Variants in ABR observed in about 807,000 individuals in gnomAD.
The protein encoded by ABR is ABR activator of RhoGEF and GTPase.
Under a neutral mutation model 107.2 loss-of-function variants are expected in ABR, and 35 were observed. That is an observed-to-expected ratio of 0.33 (90% CI 0.25 to 0.43). ABR has a LOEUF of 0.43. Among genes scored for constraint, ABR ranks in the 20% least tolerant of loss-of-function variants. The pLI is 1.00. For missense variants in ABR, 815 were observed against 1,115.2 expected, an observed-to-expected ratio of 0.73 and a Z score of 3.83; for synonymous variants, 498 against 462.0, an observed-to-expected ratio of 1.08 and a Z score of -1.00.
At chr17:1,100,411 G>A (rs1488210459) in intron 3 of ABR, among the ~76,000 whole-genome samples, 2 of 152,236 alleles carry the variant, frequency 1.3e-5, no homozygotes, top group East Asian at 1.9e-4. Flanking sequence ...AGCCGGGTGT[G>A]CTTCTCCTGC....
chr17:1,127,266 C>A (rs1425498443), intron 1 of ABR, among the ~76,000 whole-genome samples: 2 of 151,204 alleles, frequency 1.3e-5, no homozygotes, highest in African/African-American at 4.9e-5. Flanking sequence ...ACACCACACA[C>A]CCGGGCAGGA....
At chr17:1,169,698 G>A (rs750934069) in intron 1 of ABR, among the ~76,000 whole-genome samples, 5 of 152,182 alleles carry the variant, frequency 3.3e-5, no homozygotes, top group Admixed American at 6.5e-5. Context: ...AAACACAGCA[G>A]CTGGCTCTGC....
chr17:1,093,081 A>G (rs963489759), intron 3 of ABR, among the ~76,000 whole-genome samples: 1 of 148,830 alleles, frequency 6.7e-6, no homozygotes, highest in African/African-American at 2.5e-5. Context: ...TCGGCCTCCC[A>G]AAGTGCTGGG....
At chr17:1,188,545 G>A (rs561462563), upstream of ABR, among the ~76,000 whole-genome samples, 1,117 of 73,876 alleles carry the variant, frequency 0.015, 8 homozygotes, top group Middle Eastern at 0.055. Context: ...GGGAGACTCC[G>A]TCTCAAAAAA....
intron 16 of ABR, among the ~76,000 whole-genome samples, chr17:1,017,327 G>A (rs79135487): frequency 0.017 from 2,610 of 152,016 alleles, 89 homozygotes; most frequent in African/African-American, 0.046. Context: ...CCTTCATCTC[G>A]TCTGGACACG....
intron 1 of ABR, among the ~76,000 whole-genome samples, chr17:1,132,215 A>AC (rs2039874884): frequency 6.6e-6 from 1 of 151,018 alleles, no homozygotes; most frequent in African/African-American, 2.4e-5. Context: ...ACACACACAC[A>AC]AAGACACGCA....
At chr17:1,173,624 A>T (rs986102756) in intron 1 of ABR, among the ~76,000 whole-genome samples, 5 of 152,220 alleles carry the variant, frequency 3.3e-5, no homozygotes, top group Middle Eastern at 3.4e-3. Flanking sequence ...AAACGCATGG[A>T]CGGGCCAGCT....
intron 3 of ABR, among the ~76,000 whole-genome samples, chr17:1,099,748 C>T (rs763005898): frequency 4.6e-5 from 7 of 152,218 alleles, no homozygotes; most frequent in African/African-American, 1.2e-4. Flanking sequence ...ACTCTCACAA[C>T]GATGCCTCCA....
intron 16 of ABR, among the ~76,000 whole-genome samples, chr17:1,014,303 T>C (rs1278354743): frequency 2.4e-5 from 3 of 127,246 alleles, no homozygotes; most frequent in African/African-American, 6.0e-5. Flanking sequence ...TAGCCGGGCG[T>C]GGTGGCGGGC....
Position 1,058,847 on chromosome 17 carries a change from G to T in ABR, c.1203C>A (p.Ser401Arg). ...TCTTCTTCAGGCGCTCGATGGCCCG[G>T]CTCTGGCCTTTGTTGGCTTTCTGCA... ...IQKEKANKGQ[S>R]RAIERLKKKM... Residue 401 changes from serine (S) to arginine (R), a missense_variant, in exon 11 of 23, where the codon AGC becomes AGA. Physicochemically the swap from Ser to Arg is moderately radical, Grantham distance 110 (BLOSUM62 -1). Around this residue, in one of 5 missense-constraint regions of ABR, gnomAD observed 385 missense variants for 596.9 expected, o/e 0.64. Transcript: ENST00000302538. The T allele has an allele frequency of 6.2e-7, 1 of 1,614,174 alleles. No homozygotes were observed. The highest frequency in any genetic ancestry group is 8.5e-7 in the Non-Finnish European group (1 of 1,180,024).
At chr17:1,189,535 C>T (rs1033432606), upstream of ABR, among the ~76,000 whole-genome samples, 18 of 151,996 alleles carry the variant, frequency 1.2e-4, no homozygotes, top group Admixed American at 2.6e-4. Context: ...AACCTGTGGC[C>T]GGGCCTCTGC....
At position 1,172,292 on chromosome 17, in the gene ABR, G is replaced by A. The variant is rs139919568; in HGVS notation, c.61+7375C>T. ...TGGGCATTATCTTCAGCCTCCATAC[G>A]GGGGTGCCTTCCGTAGCCTGCCTAT... is the stretch of plus-strand genomic sequence containing the variant. On this transcript the variant is annotated intron_variant, in intron 1 of 22. Coordinates refer to ENST00000302538, the MANE Select transcript of ABR (RefSeq NM_021962.5). 1.8e-3 allele frequency among the ~76,000 whole-genome samples: 276 copies of A among 152,314 alleles called. 2 individuals carry two copies. Among genetic ancestry groups the A allele is most frequent in the African/African-American group, 6.3e-3 (260 of 41,570 alleles).
chr17:1,085,948 A>C (rs2036565812), intron 4 of ABR, among the ~76,000 whole-genome samples: 1 of 152,098 alleles, frequency 6.6e-6, no homozygotes, highest in South Asian at 2.1e-4. Context: ...GCAGTTCGAG[A>C]CCAGCCTGGC....
chr17:1,179,978 G>A lies in ABR; in HGVS notation c.-251C>T, dbSNP rs1409748590. 4 of 172,650 alleles carry A rather than the reference G, an allele frequency of 2.3e-5. No individual in the cohort carries two copies. The highest frequency in any genetic ancestry group is 3.6e-5 in the Non-Finnish European group (3 of 83,366). The allele number at this position is 172,650 out of a possible 1,614,324, so 10.7% of individuals were successfully genotyped here. A position where few individuals can be genotyped will look rare whatever the true frequency, so the allele number is the denominator to read the frequency against. ...CCCAGCTGCGGATCCCGGAACCGATGAGCAACTTCGCGGGGGGCGGGGCGG... is the reference window on the plus strand; with the variant it reads ...CCCAGCTGCGGATCCCGGAACCGATAAGCAACTTCGCGGGGGGCGGGGCGG... On this transcript the variant is annotated 5_prime_UTR_variant, in exon 1 of 23. Transcript: ENST00000302538. This position sits in a 1 kb window ranked among gnomAD's most constrained non-coding sequence, Gnocchi z 4.9.
At chr17:1,026,854 C>A (rs73285562) in intron 16 of ABR, among the ~76,000 whole-genome samples, 2,365 of 152,346 alleles carry the variant, frequency 0.016, 58 homozygotes, top group East Asian at 0.12. Flanking sequence ...AGGGCCAGGC[C>A]TCTCCAGCAC....
At chr17:1,079,444 C>A in intron 5 of ABR, 54 bp from the exon 6 acceptor site, 4 of 1,511,722 alleles carry the variant, frequency 2.6e-6, no homozygotes, top group South Asian at 1.2e-5. Flanking sequence ...CCTCTCCCAG[C>A]CCCCACTGTG....
intron 9 of ABR, 151 bp from the exon 10 acceptor site, chr17:1,067,393 G>C: frequency 2.5e-6 from 2 of 804,848 alleles, no homozygotes; most frequent in African/African-American, 3.5e-5. Flanking sequence ...AGCCTGATTG[G>C]GAAACACACA....
intron 1 of ABR, among the ~76,000 whole-genome samples, chr17:1,126,861 G>C (rs2039625202): frequency 6.6e-6 from 1 of 152,246 alleles, no homozygotes; most frequent in African/African-American, 2.4e-5. Context: ...GGCTCTCGGG[G>C]AAAGTGCGTG....
chr17:1,109,858 G>GC lies in ABR; in HGVS notation c.247-9124dup, dbSNP rs1030820007. Among the ~76,000 whole-genome samples, 37 of 100,638 alleles carry GC rather than the reference G, an allele frequency of 3.7e-4. No individual in the cohort carries two copies. The Admixed American group carries it at 4.2e-3, about 11-fold the overall frequency. 66.0% of individuals were successfully genotyped at this position (100,638 alleles called of 152,430 possible). ...GACCAGGATCCCCCTCCTCCAAGCA[G>GC]CCCCCCTCCTCCGAGCAGTCCCCCC... On this transcript the variant is annotated intron_variant, in intron 2 of 22. Coordinates refer to ENST00000302538, the MANE Select transcript of ABR (RefSeq NM_021962.5).
Sources: allele counts gnomAD v4.1 joint callset (sites outside exome capture counted in the v4.1 genomes callset), GRCh38; gene constraint gnomAD v4.1.1; regional missense constraint gnomAD v4.1.1; non-coding constraint Gnocchi (gnomAD v3.1); transcripts MANE v1.5; gene names NCBI Gene and HGNC (gene_info 2026-07-23, HGNC 2026-07-21).